ASIC2: variants seen among roughly 807,000 people sequenced by gnomAD.
ASIC2 encodes the protein acid sensing ion channel subunit 2.
A neutral mutation model predicts 57.3 loss-of-function variants in ASIC2; 25 were observed. The observed-to-expected ratio is 0.44, with a 90% CI of 0.32 to 0.61. The LOEUF is 0.61. Ranked by LOEUF, ASIC2 falls within the 20% of genes least tolerant of loss-of-function variation. ASIC2 has a pLI of 0.06. For missense variants in ASIC2, 641 were observed against 738.1 expected (o/e 0.87, Z 1.52); for synonymous variants, 319 against 307.5 (o/e 1.04, Z -0.39).
At chr17:33,562,363 C>T (rs1190750749) in intron 1 of ASIC2, among the ~76,000 whole-genome samples, 2 of 152,164 alleles carry the variant, frequency 1.3e-5, no homozygotes, top group Non-Finnish European at 2.9e-5. Context: ...CTTAGAAATG[C>T]TTGTTAAATG....
At chr17:33,770,315 CT>C (rs1457225300) in intron 1 of ASIC2, among the ~76,000 whole-genome samples, 8 of 152,216 alleles carry the variant, frequency 5.3e-5, no homozygotes, top group Non-Finnish European at 1.0e-4. Flanking sequence ...TCCCTGACCC[CT>C]AGTGTCTTCC....
intron 1 of ASIC2, among the ~76,000 whole-genome samples, chr17:33,833,341 C>T (rs1913173198): frequency 6.6e-6 from 1 of 151,866 alleles, no homozygotes; most frequent in African/African-American, 2.4e-5. Flanking sequence ...AATTAATTAC[C>T]TTACTAATTT....
At chr17:33,415,231 C>T (rs1910801578) in intron 1 of ASIC2, among the ~76,000 whole-genome samples, 1 of 152,194 alleles carries the variant, frequency 6.6e-6, no homozygotes, top group African/African-American at 2.4e-5. Flanking sequence ...AGTATTGGCC[C>T]AGGACACCTC....
At chr17:33,619,833 T>C (rs1278188698) in intron 1 of ASIC2, among the ~76,000 whole-genome samples, 1 of 151,544 alleles carries the variant, frequency 6.6e-6, no homozygotes, top group Non-Finnish European at 1.5e-5. Flanking sequence ...ACCTAGCAGA[T>C]ATTATTTGAA....
chr17:33,122,012 A>G (rs1359653311), intron 1 of ASIC2, among the ~76,000 whole-genome samples: 1 of 152,266 alleles, frequency 6.6e-6, no homozygotes, highest in African/African-American at 2.4e-5. Context: ...TAGTGAGCCA[A>G]GGCTGACTGT....
chr17:33,830,733 G>A (rs1913080994), intron 1 of ASIC2, among the ~76,000 whole-genome samples: 1 of 151,846 alleles, frequency 6.6e-6, no homozygotes, highest in Non-Finnish European at 1.5e-5. Context: ...CCCTCCGACA[G>A]GTCCCGGTGT....
chr17:33,489,058 G>A (rs1913668692), intron 1 of ASIC2, among the ~76,000 whole-genome samples: 1 of 152,146 alleles, frequency 6.6e-6, no homozygotes. Context: ...CAGCCTAAGA[G>A]AAGAGACCAC....
chr17:33,813,463 G>A (rs895928534), intron 1 of ASIC2, among the ~76,000 whole-genome samples: 2 of 152,192 alleles, frequency 1.3e-5, no homozygotes, highest in African/African-American at 4.8e-5. Context: ...TTGTGACGGA[G>A]TCTCACTCTG....
At chr17:33,842,071 C>G (rs1293675630) in intron 1 of ASIC2, among the ~76,000 whole-genome samples, 1 of 152,106 alleles carries the variant, frequency 6.6e-6, no homozygotes, top group African/African-American at 2.4e-5. Context: ...GCCTTATATA[C>G]AGTCCAGTGG....
At chr17:34,072,976 G>GA (rs1465259547) in intron 1 of ASIC2, among the ~76,000 whole-genome samples, 5 of 152,090 alleles carry the variant, frequency 3.3e-5, no homozygotes, top group African/African-American at 1.2e-4. Flanking sequence ...GAGTCAATGA[G>GA]AAAAAATATA....
At chr17:33,297,866 A>ATAAT (rs1346120408), upstream of ASIC2, among the ~76,000 whole-genome samples, 28 of 135,618 alleles carry the variant, frequency 2.1e-4, no homozygotes, top group Admixed American at 2.0e-3. Flanking sequence ...AAATAAATAA[A>ATAAT]TAATAAAGTT....
At chr17:33,818,916 C>G (rs1290731827) in intron 1 of ASIC2, among the ~76,000 whole-genome samples, 2 of 152,194 alleles carry the variant, frequency 1.3e-5, no homozygotes, top group African/African-American at 2.4e-5. Flanking sequence ...CCCCATCTTG[C>G]TCAAGGGAGT....
chr17:33,610,591 A>G (rs962856584), intron 1 of ASIC2, among the ~76,000 whole-genome samples: 11 of 152,030 alleles, frequency 7.2e-5, no homozygotes, highest in African/African-American at 2.7e-4. Context: ...ACACCATACA[A>G]ATGATGCCTA....
At chr17:33,208,302 T>G (rs371066868) in intron 1 of ASIC2, among the ~76,000 whole-genome samples, 2 of 152,200 alleles carry the variant, frequency 1.3e-5, no homozygotes, top group African/African-American at 4.8e-5. Flanking sequence ...GGGTAATCAA[T>G]CTACAATGCT....
rs1440597774 is a variant in ASIC2, at chr17:33,121,594, T to C, written c.709-9527A>G. ...CAGAAAGGCCAGTGGTGCCAGTCCATGCTTCTGGCTACCTGCTGAGCCCTG... is the reference window on the plus strand; with the variant it reads ...CAGAAAGGCCAGTGGTGCCAGTCCACGCTTCTGGCTACCTGCTGAGCCCTG... On this transcript the variant is annotated intron_variant, in intron 1 of 9. Transcript: ENST00000225823. Among the ~76,000 whole-genome samples, 5 of 152,296 alleles carry C rather than the reference T, an allele frequency of 3.3e-5. No individual in the cohort carries two copies. The East Asian group carries it at 5.8e-4, about 18-fold the overall frequency.
chr17:33,342,001 G>T (rs142969911), intron 1 of ASIC2, among the ~76,000 whole-genome samples: 37 of 152,236 alleles, frequency 2.4e-4, no homozygotes, highest in African/African-American at 7.5e-4. Context: ...GAGGGAAGTC[G>T]CATCAAGAAT....
At chr17:33,222,920 C>T (rs1907736602) in intron 1 of ASIC2, among the ~76,000 whole-genome samples, 1 of 151,784 alleles carries the variant, frequency 6.6e-6, no homozygotes, top group East Asian at 1.9e-4. Flanking sequence ...TCCAGGATCA[C>T]ACAAGGGAAA....
At chr17:33,675,150 A>G (rs1306984782) in intron 1 of ASIC2, among the ~76,000 whole-genome samples, 1 of 152,208 alleles carries the variant, frequency 6.6e-6, no homozygotes, top group African/African-American at 2.4e-5. Context: ...CTCAATATCA[A>G]TTAATGTTAT....
chr17:33,501,795 T>C (rs1273391807), intron 1 of ASIC2, among the ~76,000 whole-genome samples: 1 of 152,164 alleles, frequency 6.6e-6, no homozygotes, highest in Non-Finnish European at 1.5e-5. Context: ...CCTAAAGAAT[T>C]AGTTCCTCAG....
Sources: allele counts gnomAD v4.1 joint callset (sites outside exome capture counted in the v4.1 genomes callset), GRCh38; gene constraint gnomAD v4.1.1; transcripts MANE v1.5; gene names NCBI Gene and HGNC (gene_info 2026-07-23, HGNC 2026-07-21).